ANKRD33B: variants seen among roughly 807,000 people sequenced by gnomAD.
ANKRD33B encodes the protein ankyrin repeat domain-containing protein 33B.
Under a neutral mutation model 21.5 loss-of-function variants are expected in ANKRD33B, and 6 were observed. The ratio of observed to expected loss-of-function variants is 0.28; its 90% CI spans 0.15 to 0.55. ANKRD33B has a LOEUF of 0.55. Ranked by LOEUF, ANKRD33B falls within the 20% of genes least tolerant of loss-of-function variation. ANKRD33B has a pLI of 0.94. For missense variants in ANKRD33B, 698 were observed against 747.2 expected (o/e 0.93, Z 0.77); for synonymous variants, 347 against 342.4 (o/e 1.01, Z -0.15).
rs988823595 is a variant in ANKRD33B, at chr5:10,651,511, G to T, written c.*1398G>T. 1.3e-5 allele frequency: 2 copies of T among 152,274 alleles called. No homozygotes were observed. Among genetic ancestry groups the T allele is most frequent in the Non-Finnish European group, 2.9e-5 (2 of 68,016 alleles). The allele number at this position is 152,274 out of a possible 1,614,324, so 9.4% of individuals were successfully genotyped here. A position where few individuals can be genotyped will look rare whatever the true frequency, so the allele number is the denominator to read the frequency against. ...ATCAGATTTGCAGCATTCTAATTCGGCAGGGCAGGGTATGAAAGCTGGAAA... is the reference window on the plus strand; with the variant it reads ...ATCAGATTTGCAGCATTCTAATTCGTCAGGGCAGGGTATGAAAGCTGGAAA... On this transcript the variant is annotated 3_prime_UTR_variant, in exon 4 of 4. Coordinates refer to ENST00000296657, the MANE Select transcript of ANKRD33B (RefSeq NM_001164440.2).
Position 10,619,498 on chromosome 5 carries a change from G to C in ANKRD33B, c.496+1036G>C, listed in dbSNP as rs1030487143. The C allele has an allele frequency of 1.2e-5, 6 of 504,256 alleles. No individual in the cohort carries two copies. The highest frequency in any genetic ancestry group is 1.5e-5 in the Non-Finnish European group (6 of 390,590). 31.2% of individuals were successfully genotyped at this position (504,256 alleles called of 1,614,324 possible). On this transcript the variant is annotated intron_variant, in intron 2 of 3. Coordinates refer to ENST00000296657, the MANE Select transcript of ANKRD33B (RefSeq NM_001164440.2). The surrounding 1 kb of genome is among the most constrained non-coding windows in gnomAD (Gnocchi z 4.5). Reference sequence around the variant, plus strand: ...CCTGGGTGGATCTGATGGGTGGGGGGCCAGGGAGGCTGGAAAACCAGTGTT... The same window carrying C: ...CCTGGGTGGATCTGATGGGTGGGGGCCCAGGGAGGCTGGAAAACCAGTGTT...
At chr5:10,623,521 G>C in intron 2 of ANKRD33B, among the ~76,000 whole-genome samples, 1 of 152,198 alleles carries the variant, frequency 6.6e-6, no homozygotes, top group South Asian at 2.1e-4. Flanking sequence ...GGACCCCTCC[G>C]TCAGGACCTA....
chr5:10,592,721 C>T (rs2126562200), intron 1 of ANKRD33B, among the ~76,000 whole-genome samples: 1 of 152,268 alleles, frequency 6.6e-6, no homozygotes, highest in Non-Finnish European at 1.5e-5. Context: ...CTGTCTGCTC[C>T]TCAGAGCTGT....
At chr5:10,644,690 G>A (rs896069888) in intron 3 of ANKRD33B, among the ~76,000 whole-genome samples, 1 of 152,184 alleles carries the variant, frequency 6.6e-6, no homozygotes, top group African/African-American at 2.4e-5. Context: ...CCATATAGAG[G>A]TTTCTTTCTG....
chr5:10,647,453 A>T (rs1737214010), intron 3 of ANKRD33B, among the ~76,000 whole-genome samples: 1 of 152,186 alleles, frequency 6.6e-6, no homozygotes, highest in Admixed American at 6.5e-5. Context: ...TTGGACCAAG[A>T]TTAATTGAAC....
In ANKRD33B at chr5:10,655,841, C is replaced by A. The variant is rs1737476237; in HGVS notation, c.*5728C>A. On this transcript the variant is annotated 3_prime_UTR_variant, in exon 4 of 4. Transcript: ENST00000296657. ...ACCTGGGGGCCCTGTTTCTTCCAGC[C>A]TGGTCCTTGGTTTCTACCCCAGCCG... 1 of 152,546 alleles carries A rather than the reference C, an allele frequency of 6.6e-6. No homozygotes were observed. The highest frequency in any genetic ancestry group is 3.4e-3 in the Middle Eastern group (1 of 296). 9.4% of individuals were successfully genotyped at this position (152,546 alleles called of 1,614,324 possible). A position where few individuals can be genotyped will look rare whatever the true frequency, so the allele number is the denominator to read the frequency against.
chr5:10,614,676 C>T (rs995330380), intron 1 of ANKRD33B, among the ~76,000 whole-genome samples: 1 of 151,960 alleles, frequency 6.6e-6, no homozygotes, highest in Non-Finnish European at 1.5e-5. Flanking sequence ...CATTCGAGGT[C>T]AGGAGTTTGA....
intron 1 of ANKRD33B, among the ~76,000 whole-genome samples, chr5:10,575,438 A>G (rs1461962465): frequency 6.6e-6 from 1 of 151,648 alleles, no homozygotes; most frequent in Non-Finnish European, 1.5e-5. Context: ...AAAAAAAAAA[A>G]GAGTCTTAAT....
intron 1 of ANKRD33B, among the ~76,000 whole-genome samples, chr5:10,617,146 A>G (rs1736302420): frequency 6.6e-6 from 1 of 152,198 alleles, no homozygotes; most frequent in African/African-American, 2.4e-5. Context: ...TTCCTGCGCC[A>G]TTCCACTGGG....
At chr5:10,585,628 C>T (rs1006272932) in intron 1 of ANKRD33B, among the ~76,000 whole-genome samples, 3 of 152,198 alleles carry the variant, frequency 2.0e-5, no homozygotes, top group Non-Finnish European at 4.4e-5. Flanking sequence ...GCCCAAAGGC[C>T]TGTGTGGCTA....
At chr5:10,591,184 T>A (rs1461419027) in intron 1 of ANKRD33B, among the ~76,000 whole-genome samples, 5 of 111,762 alleles carry the variant, frequency 4.5e-5, no homozygotes, top group Non-Finnish European at 9.1e-5. Context: ...TCATCTACAT[T>A]TTTTTTAGTG....
intron 1 of ANKRD33B, among the ~76,000 whole-genome samples, chr5:10,613,976 G>A (rs1160938248): frequency 7.4e-6 from 1 of 134,460 alleles, no homozygotes; most frequent in African/African-American, 2.9e-5. Flanking sequence ...TTAGTCAGGG[G>A]TCTCCAGAGA....
At position 10,649,953 on chromosome 5, in the gene ANKRD33B, C is replaced by T. The variant is rs1442905889; in HGVS notation, c.1325C>T (p.Ala442Val). The T allele has an allele frequency of 2.6e-6, 4 of 1,531,142 alleles. No individual in the cohort carries two copies. The highest frequency in any genetic ancestry group is 2.5e-5 in the East Asian group (1 of 40,550). 94.8% of individuals were successfully genotyped at this position (1,531,142 alleles called of 1,614,324 possible). A position where few individuals can be genotyped will look rare whatever the true frequency, so the allele number is the denominator to read the frequency against. Residue 442 changes from alanine (A) to valine (V), a missense_variant, in exon 4 of 4, where the codon GCG becomes GTG. Physicochemically the swap from Ala to Val is moderately conservative, Grantham distance 64. Transcript: ENST00000296657. ...PAPTFQPERP[A>V]RKGSTKDSGH... Reference sequence around the variant, plus strand: ...CCCACCTTCCAGCCCGAGCGGCCGGCGCGGAAGGGCAGCACCAAGGACAGC... The same window carrying T: ...CCCACCTTCCAGCCCGAGCGGCCGGTGCGGAAGGGCAGCACCAAGGACAGC...
intron 1 of ANKRD33B, among the ~76,000 whole-genome samples, chr5:10,565,424 C>T (rs1735025373): frequency 6.6e-6 from 1 of 152,240 alleles, no homozygotes; most frequent in Non-Finnish European, 1.5e-5. Context: ...AGCTTTGTGG[C>T]CCGCGCCGCG....
intron 3 of ANKRD33B, 119 bp downstream of exon 3, chr5:10,638,287 AT>A: frequency 7.8e-7 from 1 of 1,277,528 alleles, no homozygotes; most frequent in Non-Finnish European, 1.1e-6. Context: ...GCTGCAATAA[AT>A]AATAGTTTCT....
intron 1 of ANKRD33B, among the ~76,000 whole-genome samples, chr5:10,596,314 C>T (rs981394382): frequency 6.6e-6 from 1 of 152,212 alleles, no homozygotes; most frequent in African/African-American, 2.4e-5. Context: ...TCCTGATGCT[C>T]TCCTGCCTCA....
At chr5:10,620,145 T>G (rs1054871731) in intron 2 of ANKRD33B, among the ~76,000 whole-genome samples, 1 of 151,444 alleles carries the variant, frequency 6.6e-6, no homozygotes, top group African/African-American at 2.4e-5. Context: ...GTGACAGGGG[T>G]GAGAGGATCC....
chr5:10,591,292 A>C (rs759217943), intron 1 of ANKRD33B, among the ~76,000 whole-genome samples: 15 of 142,800 alleles, frequency 1.1e-4, no homozygotes. Flanking sequence ...TCCCAGTTTC[A>C]AGCAATTCTC....
intron 1 of ANKRD33B, among the ~76,000 whole-genome samples, chr5:10,579,174 A>C (rs1380550415): frequency 6.6e-6 from 1 of 151,490 alleles, no homozygotes; most frequent in African/African-American, 2.4e-5. Context: ...CAAAAAAAAA[A>C]AAAAAAAGAT....
Sources: allele counts gnomAD v4.1 joint callset (sites outside exome capture counted in the v4.1 genomes callset), GRCh38; gene constraint gnomAD v4.1.1; non-coding constraint Gnocchi (gnomAD v3.1); transcripts MANE v1.5; gene names NCBI Gene and HGNC (gene_info 2026-07-23, HGNC 2026-07-21).